PPP3CA: variants seen among roughly 807,000 people sequenced by gnomAD.
PPP3CA encodes the protein CAM-PRP catalytic subunit.
Under a neutral mutation model 66.5 loss-of-function variants are expected in PPP3CA, and 14 were observed. The ratio of observed to expected loss-of-function variants is 0.21; its 90% CI spans 0.14 to 0.33. PPP3CA has a LOEUF of 0.33. Ranked by LOEUF, PPP3CA falls within the 10% of genes least tolerant of loss-of-function variation. The pLI is 1.00. For synonymous variants in PPP3CA, 232 were observed against 226.2 expected, an observed-to-expected ratio of 1.03 and a Z score of -0.23; for missense variants, 317 against 639.5, an observed-to-expected ratio of 0.50 and a Z score of 5.44.
intron 1 of PPP3CA, among the ~76,000 whole-genome samples, chr4:101,242,869 A>C (rs1726357606): frequency 6.6e-6 from 1 of 152,150 alleles, no homozygotes; most frequent in Non-Finnish European, 1.5e-5. Context: ...TGGAGGCTGC[A>C]GTAAGCTATG....
intron 1 of PPP3CA, among the ~76,000 whole-genome samples, chr4:101,306,489 A>C (rs1728538789): frequency 1.3e-5 from 2 of 152,160 alleles, no homozygotes; most frequent in Admixed American, 6.5e-5. Flanking sequence ...GAGTGAAAGA[A>C]AAATTTCCAC....
chr4:101,258,042 T>C (rs1726902199), intron 1 of PPP3CA, among the ~76,000 whole-genome samples: 1 of 152,012 alleles, frequency 6.6e-6, no homozygotes, highest in Non-Finnish European at 1.5e-5. Context: ...AACAAATATA[T>C]ACATAAATGA....
chr4:101,145,644 G>A (rs1453185904), intron 2 of PPP3CA, among the ~76,000 whole-genome samples: 1 of 151,684 alleles, frequency 6.6e-6, no homozygotes, highest in African/African-American at 2.4e-5. Flanking sequence ...GGTAGTTGGG[G>A]GTAAGGAAAA....
intron 11 of PPP3CA, among the ~76,000 whole-genome samples, 188 bp downstream of exon 11, chr4:101,040,294 T>A (rs1412304221): frequency 2.0e-5 from 3 of 152,240 alleles, no homozygotes; most frequent in African/African-American, 7.2e-5. Context: ...TTTAGTAGAT[T>A]GCAATTTAAC....
intron 3 of PPP3CA, among the ~76,000 whole-genome samples, chr4:101,104,969 T>C (rs1416887350): frequency 6.6e-6 from 1 of 152,184 alleles, no homozygotes; most frequent in African/African-American, 2.4e-5. Flanking sequence ...CTTAGAACTT[T>C]TAAATGCCCC....
intron 10 of PPP3CA, among the ~76,000 whole-genome samples, chr4:101,050,356 T>C (rs1406056272): frequency 1.3e-5 from 2 of 152,074 alleles, no homozygotes; most frequent in East Asian, 3.9e-4. Flanking sequence ...TTAAGACATA[T>C]AACTAAATTG....
intron 2 of PPP3CA, chr4:101,171,154 A>C (rs1464627830): frequency 4.4e-6 from 2 of 455,412 alleles, no homozygotes; most frequent in Non-Finnish European, 8.8e-6. Context: ...CATGTGTGAA[A>C]TCTCCTTTCT....
intron 11 of PPP3CA, 123 bp downstream of exon 11, chr4:101,040,359 A>G: frequency 5.7e-6 from 4 of 700,090 alleles, no homozygotes; most frequent in Non-Finnish European, 8.5e-6. Flanking sequence ...TTTTTAATCT[A>G]AAAGGAAAAA....
chr4:101,259,265 GA>G (rs1560685390), intron 1 of PPP3CA, among the ~76,000 whole-genome samples: 1 of 152,010 alleles, frequency 6.6e-6, no homozygotes, highest in Admixed American at 6.6e-5. Flanking sequence ...CAGCGGATAG[GA>G]ATCTTACTGC....
intron 1 of PPP3CA, among the ~76,000 whole-genome samples, chr4:101,235,431 TCACA>T (rs57851713): frequency 1.3e-5 from 2 of 148,266 alleles, no homozygotes; most frequent in African/African-American, 4.9e-5. Context: ...AAACATACAC[TCACA>T]CACACACACA....
intron 6 of PPP3CA, among the ~76,000 whole-genome samples, chr4:101,090,798 T>A (rs1729885071): frequency 6.6e-6 from 1 of 151,276 alleles, no homozygotes; most frequent in South Asian, 2.1e-4. Context: ...TTTACAAATA[T>A]ATACACACGT....
chr4:101,213,833 C>T (rs1725379424), intron 1 of PPP3CA, among the ~76,000 whole-genome samples: 1 of 152,094 alleles, frequency 6.6e-6, no homozygotes. Context: ...CTATATTAAT[C>T]TGAAAATGCC....
intron 2 of PPP3CA, among the ~76,000 whole-genome samples, chr4:101,123,093 T>C (rs1464085945): frequency 6.6e-6 from 1 of 152,234 alleles, no homozygotes; most frequent in Admixed American, 6.5e-5. Context: ...TCCCATTGTG[T>C]TAGACCCCAA....
At chr4:101,100,028 A>G (rs977144974) in intron 3 of PPP3CA, among the ~76,000 whole-genome samples, 1 of 152,052 alleles carries the variant, frequency 6.6e-6, no homozygotes, top group African/African-American at 2.4e-5. Flanking sequence ...GGGAGTTTAA[A>G]AAAAAATGGA....
At position 101,302,310 on chromosome 4, in the gene PPP3CA, T is replaced by G. The variant is rs1358236016; in HGVS notation, c.58+44429A>C. Reference sequence around the variant, plus strand: ...ACATCTTTAAAATGCTGATGCATCCTCATCTTCAAGGTTCCTTCTGGATTT... The same window carrying G: ...ACATCTTTAAAATGCTGATGCATCCGCATCTTCAAGGTTCCTTCTGGATTT... On this transcript the variant is annotated intron_variant, in intron 1 of 13. Transcript: ENST00000394854. Among the ~76,000 whole-genome samples, 3 of 152,220 alleles carry G rather than the reference T, an allele frequency of 2.0e-5. No homozygotes were observed. In the East Asian group the frequency reaches 5.8e-4, roughly 29 times the overall value.
At chr4:101,096,522 A>G (rs962239021) in intron 5 of PPP3CA, among the ~76,000 whole-genome samples, 3 of 152,208 alleles carry the variant, frequency 2.0e-5, no homozygotes, top group Admixed American at 6.5e-5. Context: ...AACTCTATTC[A>G]GTGTATCAGT....
intron 10 of PPP3CA, among the ~76,000 whole-genome samples, chr4:101,048,598 A>G (rs1360356505): frequency 1.3e-5 from 2 of 151,796 alleles, no homozygotes; most frequent in African/African-American, 2.4e-5. Flanking sequence ...CAAGACAACA[A>G]GTGAAAAAAA....
At chr4:101,176,003 C>T (rs1001718131) in intron 2 of PPP3CA, among the ~76,000 whole-genome samples, 12 of 152,050 alleles carry the variant, frequency 7.9e-5, no homozygotes, top group Non-Finnish European at 1.6e-4. Flanking sequence ...AAAATAATTA[C>T]GGGAGAAGAT....
chr4:101,333,965 G>A (rs1168530683), intron 1 of PPP3CA, among the ~76,000 whole-genome samples: 4 of 152,120 alleles, frequency 2.6e-5, no homozygotes, highest in Admixed American at 2.6e-4. Flanking sequence ...AGCCACACAC[G>A]CAGTGGGCAC....
Sources: allele counts gnomAD v4.1 joint callset (sites outside exome capture counted in the v4.1 genomes callset), GRCh38; gene constraint gnomAD v4.1.1; transcripts MANE v1.5; gene names NCBI Gene and HGNC (gene_info 2026-07-23, HGNC 2026-07-21).